SUMF1: variants seen among roughly 807,000 people sequenced by gnomAD.
The protein encoded by SUMF1 is sulfatase modifying factor 1.
Under a neutral mutation model 47.6 loss-of-function variants are expected in SUMF1, and 48 were observed. The ratio of observed to expected loss-of-function variants is 1.01; its 90% CI spans 0.80 to 1.28. The LOEUF (loss-of-function observed/expected upper bound fraction) is 1.28, where lower values mean the gene tolerates loss of function less well. Ranked by LOEUF, SUMF1 falls within the 50% of genes most tolerant of loss-of-function variation. SUMF1 has a pLI of 0.00. For synonymous variants in SUMF1, 230 were observed against 192.1 expected (o/e 1.20, Z -1.63); for missense variants, 571 against 485.4 (o/e 1.18, Z -1.66).
intron 1 of SUMF1, among the ~76,000 whole-genome samples, chr3:4,458,671 C>T (rs1375653929): frequency 4.6e-5 from 7 of 152,042 alleles, no homozygotes; most frequent in African/African-American, 1.7e-4. Flanking sequence ...CTGGCTAACA[C>T]GGTGAAATCC....
chr3:4,358,723 C>T (rs73022024), downstream of SUMF1, among the ~76,000 whole-genome samples: 1 of 152,042 alleles, frequency 6.6e-6, no homozygotes, highest in Admixed American at 6.6e-5. Flanking sequence ...GAAAAACTGA[C>T]AGTGCAGATA....
intron 8 of SUMF1, among the ~76,000 whole-genome samples, chr3:4,119,610 C>T (rs1209637130): frequency 2.6e-5 from 4 of 152,070 alleles, no homozygotes; most frequent in Non-Finnish European, 5.9e-5. Flanking sequence ...AGGGAAAATT[C>T]TTCTTCAGTG....
At chr3:4,184,191 C>T (rs1695153594) in intron 8 of SUMF1, among the ~76,000 whole-genome samples, 1 of 151,292 alleles carries the variant, frequency 6.6e-6, no homozygotes, top group African/African-American at 2.4e-5. Flanking sequence ...TGTGGTGGCT[C>T]ATGCCTGTAT....
chr3:4,259,392 C>T (rs1242438405), intron 8 of SUMF1, among the ~76,000 whole-genome samples: 2 of 152,022 alleles, frequency 1.3e-5, no homozygotes, highest in African/African-American at 4.8e-5. Flanking sequence ...TTACGTAAGG[C>T]AAAAGGACAG....
chr3:4,178,868 A>C (rs1695030788), intron 8 of SUMF1, among the ~76,000 whole-genome samples: 1 of 152,186 alleles, frequency 6.6e-6, no homozygotes, highest in East Asian at 1.9e-4. Context: ...TCAATGTGCA[A>C]AAATCACAAG....
At chr3:4,180,871 T>C (rs1380008450) in intron 8 of SUMF1, among the ~76,000 whole-genome samples, 2 of 151,804 alleles carry the variant, frequency 1.3e-5, no homozygotes, top group Non-Finnish European at 2.9e-5. Context: ...AATAAATAAA[T>C]AAACTTGGAG....
chr3:4,298,620 T>C (rs57407905), intron 8 of SUMF1, among the ~76,000 whole-genome samples: 2,821 of 152,328 alleles, frequency 0.019, 86 homozygotes, highest in African/African-American at 0.061. Flanking sequence ...ATGGCTCTTA[T>C]AATTCTTTTC....
At chr3:4,391,637 G>C (rs1700866799) in intron 7 of SUMF1, among the ~76,000 whole-genome samples, 1 of 151,854 alleles carries the variant, frequency 6.6e-6, no homozygotes, top group Non-Finnish European at 1.5e-5. Flanking sequence ...TGCATACCAT[G>C]ATACCTGACT....
At chr3:4,371,597 T>C (rs1375012626) in intron 8 of SUMF1, among the ~76,000 whole-genome samples, 1 of 152,204 alleles carries the variant, frequency 6.6e-6, no homozygotes, top group Non-Finnish European at 1.5e-5. Flanking sequence ...TTGCTCTTCA[T>C]CTTGGTAGGA....
At chr3:4,417,875 T>C in intron 5 of SUMF1, 135 bp downstream of exon 5, 2 of 1,505,494 alleles carry the variant, frequency 1.3e-6, no homozygotes, top group Non-Finnish European at 1.8e-6. Context: ...CTAAGTAATT[T>C]CGTGGAAAAA....
intron 8 of SUMF1, among the ~76,000 whole-genome samples, chr3:4,246,287 A>G (rs987107260): frequency 6.6e-6 from 1 of 151,528 alleles, no homozygotes; most frequent in Non-Finnish European, 1.5e-5. Context: ...ACCAGACCCA[A>G]TGAGATGAAC....
chr3:4,399,285 A>G (rs150392579), intron 7 of SUMF1, among the ~76,000 whole-genome samples: 3 of 152,256 alleles, frequency 2.0e-5, no homozygotes, highest in East Asian at 3.9e-4. Context: ...TCTGAGGCAT[A>G]TATCTTCTTT....
At chr3:4,244,884 G>T (rs1451929740) in intron 8 of SUMF1, among the ~76,000 whole-genome samples, 1 of 152,060 alleles carries the variant, frequency 6.6e-6, no homozygotes, top group Admixed American at 6.6e-5. Flanking sequence ...GTCAAACATA[G>T]ATTTGGTCTT....
chr3:4,285,414 A>T (rs2125049762), intron 8 of SUMF1, among the ~76,000 whole-genome samples: 1 of 152,086 alleles, frequency 6.6e-6, no homozygotes, highest in Non-Finnish European at 1.5e-5. Context: ...GCTACAGGTG[A>T]TTTTTCTTTT....
At chr3:4,204,662 T>C (rs574169237) in intron 8 of SUMF1, among the ~76,000 whole-genome samples, 26 of 152,212 alleles carry the variant, frequency 1.7e-4, no homozygotes, top group African/African-American at 5.8e-4. Context: ...GCATGCTTCA[T>C]GCCTTTTCTT....
chr3:4,417,878 TG>T, intron 5 of SUMF1, 131 bp downstream of exon 5: 10 of 1,521,366 alleles, frequency 6.6e-6, no homozygotes, highest in Non-Finnish European at 9.0e-6. Flanking sequence ...AGTAATTTCG[TG>T]GAAAAATAAG....
intron 3 of SUMF1, among the ~76,000 whole-genome samples, chr3:4,438,902 A>C (rs974995415): frequency 4.6e-5 from 7 of 152,198 alleles, no homozygotes; most frequent in East Asian, 3.8e-4. Flanking sequence ...GGTAGGTGCT[A>C]AAGACAGCCC....
intron 8 of SUMF1, among the ~76,000 whole-genome samples, chr3:4,103,273 C>T (rs773432351): frequency 2.6e-5 from 4 of 151,832 alleles, no homozygotes; most frequent in Admixed American, 6.6e-5. Context: ...TATGTTTCTC[C>T]TCAAAAAGCT....
chr3:4,379,840 C>CAA lies in SUMF1; in HGVS notation c.955-3453_955-3452dup, dbSNP rs58264459. 1.3e-3 allele frequency among the ~76,000 whole-genome samples: 103 copies of CAA among 76,852 alleles called. 1 individual carries two copies. The highest frequency in any genetic ancestry group is 4.9e-3 in the South Asian group (10 of 2,050). 50.4% of individuals were successfully genotyped at this position (76,852 alleles called of 152,430 possible). On this transcript the variant is annotated intron_variant, in intron 7 of 8. Coordinates refer to ENST00000272902, the MANE Select transcript of SUMF1 (RefSeq NM_182760.4). ...CTGGCAACAGAGCGAGCCTCCATCT[C>CAA]AAAAAAAAAAAAAAAAAAAAAAAAA...
Sources: gnomAD v4.1 joint callset for allele counts (sites outside exome capture counted in the v4.1 genomes callset) on GRCh38, gnomAD v4.1.1 for gene constraint, MANE v1.5 for transcripts, NCBI Gene and HGNC (gene_info 2026-07-23, HGNC 2026-07-21) for gene names.